DPYD: variants seen among roughly 807,000 people sequenced by gnomAD.
DPYD encodes the protein dihydropyrimidine dehydrogenase [NADP(+)].
In DPYD, 109 loss-of-function variants were observed where a neutral mutation model predicts 116.2. The observed-to-expected ratio is 0.94, with a 90% CI of 0.80 to 1.10. The LOEUF (loss-of-function observed/expected upper bound fraction) is 1.10, where lower values mean the gene tolerates loss of function less well. DPYD is among the 50% of genes least tolerant of loss of function. The pLI is 0.00. For missense variants in DPYD, 1,302 were observed against 1,254.5 expected, an observed-to-expected ratio of 1.04 and a Z score of -0.57; for synonymous variants, 440 against 432.0, an observed-to-expected ratio of 1.02 and a Z score of -0.23.
intron 13 of DPYD, among the ~76,000 whole-genome samples, chr1:97,470,690 A>G (rs1453805751): frequency 6.6e-6 from 1 of 152,216 alleles, no homozygotes; most frequent in African/African-American, 2.4e-5. Context: ...TAGACCTACA[A>G]AAGAATTATA....
At chr1:97,405,396 G>A (rs1673600449) in intron 14 of DPYD, among the ~76,000 whole-genome samples, 1 of 152,006 alleles carries the variant, frequency 6.6e-6, no homozygotes. Context: ...TTCTTTCAAT[G>A]TTTGTTTGTC....
intron 3 of DPYD, among the ~76,000 whole-genome samples, chr1:97,750,241 T>C (rs1038768415): frequency 6.6e-6 from 1 of 152,024 alleles, no homozygotes; most frequent in Non-Finnish European, 1.5e-5. Context: ...ATCTGACATA[T>C]AGATTTAGAG....
At chr1:97,145,832 A>G (rs762564166) in intron 20 of DPYD, among the ~76,000 whole-genome samples, 3 of 143,600 alleles carry the variant, frequency 2.1e-5, no homozygotes, top group African/African-American at 7.8e-5. Context: ...CATGGTGTCC[A>G]CTGCTAGCAG....
intron 3 of DPYD, among the ~76,000 whole-genome samples, chr1:97,785,827 G>A (rs774088974): frequency 6.6e-6 from 1 of 151,104 alleles, no homozygotes; most frequent in Non-Finnish European, 1.5e-5. Context: ...CTAGTAGCTG[G>A]GACTACAGGT....
At chr1:97,857,841 A>G (rs1436852177) in intron 2 of DPYD, among the ~76,000 whole-genome samples, 1 of 152,054 alleles carries the variant, frequency 6.6e-6, no homozygotes. Context: ...AAAGGGGTGC[A>G]GTCTCGAGGC....
At chr1:97,804,247 T>C (rs1667975584) in intron 3 of DPYD, among the ~76,000 whole-genome samples, 1 of 151,796 alleles carries the variant, frequency 6.6e-6, no homozygotes, top group Non-Finnish European at 1.5e-5. Context: ...GCCTGTTCTT[T>C]ATGTATTATC....
At chr1:97,748,926 T>C (rs912721909) in intron 3 of DPYD, among the ~76,000 whole-genome samples, 3 of 152,214 alleles carry the variant, frequency 2.0e-5, no homozygotes, top group African/African-American at 7.2e-5. Flanking sequence ...GTGAAGCTTC[T>C]ACTTTTGAAA....
intron 20 of DPYD, among the ~76,000 whole-genome samples, chr1:97,149,633 T>TC (rs1238649999): frequency 6.6e-6 from 1 of 152,186 alleles, no homozygotes; most frequent in Non-Finnish European, 1.5e-5. Context: ...TAGACAGTAT[T>TC]AGCTACATAA....
chr1:97,496,465 G>A (rs143797231), intron 13 of DPYD, among the ~76,000 whole-genome samples: 1 of 152,020 alleles, frequency 6.6e-6, no homozygotes, highest in East Asian at 1.9e-4. Flanking sequence ...TTTGCATATA[G>A]TTCATTATCC....
At chr1:97,662,458 C>A (rs1007463174) in intron 8 of DPYD, among the ~76,000 whole-genome samples, 6 of 151,522 alleles carry the variant, frequency 4.0e-5, no homozygotes, top group Non-Finnish European at 7.4e-5. Context: ...TGGAGAAACT[C>A]CATCTCTACT....
At chr1:97,522,096 A>G (rs1205415252) in intron 12 of DPYD, among the ~76,000 whole-genome samples, 1 of 152,228 alleles carries the variant, frequency 6.6e-6, no homozygotes, top group Non-Finnish European at 1.5e-5. Flanking sequence ...CATCAAAAGA[A>G]ACTATCATCA....
At chr1:97,866,749 C>T (rs567604069) in intron 2 of DPYD, among the ~76,000 whole-genome samples, 4 of 151,940 alleles carry the variant, frequency 2.6e-5, no homozygotes, top group South Asian at 2.1e-4. Flanking sequence ...TATGATGTTG[C>T]GTGTTAGGAA....
At chr1:97,632,378 C>T (rs1464536431) in intron 8 of DPYD, among the ~76,000 whole-genome samples, 1 of 152,128 alleles carries the variant, frequency 6.6e-6, no homozygotes, top group Non-Finnish European at 1.5e-5. Context: ...CAGTATTCTA[C>T]TGCTTAAGTA....
chr1:97,528,533 C>T (rs558278942), intron 12 of DPYD, among the ~76,000 whole-genome samples: 1 of 152,112 alleles, frequency 6.6e-6, no homozygotes, highest in South Asian at 2.1e-4. Context: ...TAAACTCTAC[C>T]TCTACCCCCA....
chr1:97,236,077 C>T (rs1244693129), intron 18 of DPYD, among the ~76,000 whole-genome samples: 1 of 152,146 alleles, frequency 6.6e-6, no homozygotes, highest in Non-Finnish European at 1.5e-5. Context: ...AAATGTTAAA[C>T]ATCCCAGAGT....
intron 11 of DPYD, among the ~76,000 whole-genome samples, chr1:97,562,844 C>T (rs962583197): frequency 1.3e-5 from 2 of 151,962 alleles, no homozygotes; most frequent in East Asian, 1.9e-4. Context: ...TCAGCCCCCC[C>T]GAGTAGCTGG....
chr1:97,651,562 AT>A (rs1394032188), intron 8 of DPYD, among the ~76,000 whole-genome samples: 28 of 148,960 alleles, frequency 1.9e-4, no homozygotes, highest in African/African-American at 6.7e-4. Context: ...AAGGCACTTC[AT>A]TTTGAGTTCT....
At chr1:97,329,273 C>T (rs554151052) in intron 16 of DPYD, among the ~76,000 whole-genome samples, 8 of 151,926 alleles carry the variant, frequency 5.3e-5, no homozygotes, top group East Asian at 3.9e-4. Flanking sequence ...TTGAATTATC[C>T]GTATTAGAGT....
intron 8 of DPYD, among the ~76,000 whole-genome samples, chr1:97,609,759 GA>G (rs1192935494): frequency 1.3e-5 from 2 of 151,932 alleles, no homozygotes; most frequent in African/African-American, 4.8e-5. Context: ...AACCTAGTCT[GA>G]AAATTTGGCA....
Sources: allele counts gnomAD v4.1 joint callset (sites outside exome capture counted in the v4.1 genomes callset), GRCh38; gene constraint gnomAD v4.1.1; transcripts MANE v1.5; gene names NCBI Gene and HGNC (gene_info 2026-07-23, HGNC 2026-07-21).